The following KIN variants were observed in gnomAD, a reference collection of about 807,000 sequenced individuals.
The protein encoded by KIN is DNA/RNA-binding protein KIN17.
In KIN, 47 loss-of-function variants were observed where a neutral mutation model predicts 63.0. The observed-to-expected ratio is 0.75, with a 90% CI of 0.59 to 0.95. KIN has a LOEUF of 0.95. KIN is among the 40% of genes least tolerant of loss of function. The probability of loss-of-function intolerance (pLI) is 0.00; values close to 1 mark genes in which losing one functional copy is unlikely to be tolerated. For synonymous variants in KIN, 160 were observed against 157.7 expected (o/e 1.01, Z -0.11); for missense variants, 408 against 460.9 (o/e 0.89, Z 1.05).
chr10:7,780,309 TAATA>T lies in KIN; in HGVS notation c.210-6_210-3del. ...TCTAGAAAGTCATTTCGGAATTCCCTAATAAAGAAAGAAAGGAAAGCATTAAGGT... is the reference window on the plus strand; with the variant it reads ...TCTAGAAAGTCATTTCGGAATTCCCTAAGAAAGAAAGGAAAGCATTAAGGT... On this transcript the variant is annotated splice_region_variant and splice_polypyrimidine_tract_variant and intron_variant, in intron 2 of 12. Coordinates refer to ENST00000379562, the MANE Select transcript of KIN (RefSeq NM_012311.4). 6.2e-7 allele frequency: 1 copy of T among 1,600,560 alleles called. No homozygotes were observed. Among genetic ancestry groups the T allele is most frequent in the Non-Finnish European group, 8.5e-7 (1 of 1,174,384 alleles).
intron 8 of KIN, among the ~76,000 whole-genome samples, 160 bp downstream of exon 8, chr10:7,769,056 G>C (rs1290811326): frequency 1.3e-5 from 2 of 151,982 alleles, no homozygotes; most frequent in Non-Finnish European, 2.9e-5. Context: ...ACCTATTTAG[G>C]GGGGCTCCAA....
intron 1 of KIN, 59 bp from the exon 2 acceptor site, chr10:7,783,234 AGAAG>A: frequency 1.1e-6 from 1 of 878,816 alleles, no homozygotes; most frequent in Non-Finnish European, 1.7e-6. Context: ...GGCTCTAAAT[AGAAG>A]TATTTAGTTA....
At position 7,787,925 on chromosome 10, in the gene KIN, C is replaced by T. The variant is rs995928000; in HGVS notation, c.9G>A (p.Lys3=). 5.0e-6 allele frequency: 8 copies of T among 1,612,322 alleles called. No homozygotes were observed. The highest frequency in any genetic ancestry group is 3.3e-5 in the Admixed American group (2 of 60,012). The part of the protein sequence containing the change: MG[K]SDFLTPKAIA... The stretch of plus-strand genomic sequence containing the variant: ...TAGCCTTGGGAGTAAGAAAATCCGA[C>T]TTCCCCATGGCGACCACGGCAGCGA... Residue 3 remains lysine, a synonymous_variant, in exon 1 of 13, where the codon AAG becomes AAA. Coordinates refer to ENST00000379562, the MANE Select transcript of KIN (RefSeq NM_012311.4).
At chr10:7,757,590 T>C (rs1835356331) in intron 12 of KIN, among the ~76,000 whole-genome samples, 1 of 152,056 alleles carries the variant, frequency 6.6e-6, no homozygotes, top group Non-Finnish European at 1.5e-5. Context: ...TATAACATGA[T>C]GATGATGACA....
intron 11 of KIN, chr10:7,761,219 C>T (rs888060151): frequency 6.6e-6 from 1 of 152,118 alleles, no homozygotes; most frequent in Non-Finnish European, 1.5e-5. Flanking sequence ...ATTTATTGTA[C>T]ATCAATTTTA....
At chr10:7,781,825 G>T (rs1199422117) in intron 2 of KIN, among the ~76,000 whole-genome samples, 1 of 151,488 alleles carries the variant, frequency 6.6e-6, no homozygotes, top group Non-Finnish European at 1.5e-5. Flanking sequence ...GGGAGGGTGA[G>T]GTGGGTGGAT....
At chr10:7,771,738 C>A (rs1227908630) in intron 7 of KIN, among the ~76,000 whole-genome samples, 8 of 151,430 alleles carry the variant, frequency 5.3e-5, no homozygotes, top group African/African-American at 1.9e-4. Context: ...CCTAAAAATA[C>A]AAAAAAATTA....
At chr10:7,767,039 C>A (rs1027399511) in intron 8 of KIN, among the ~76,000 whole-genome samples, 3 of 114,690 alleles carry the variant, frequency 2.6e-5, no homozygotes, top group African/African-American at 3.0e-5. Context: ...AAAAAAAAAA[C>A]CTCATTTTAA....
In KIN at chr10:7,756,187, C is replaced by T. The variant is rs41290295; in HGVS notation, c.1120-45G>A. ...AAAATAAGGTTAAAAACACATATTC[C>T]TAAAAGACAAAAAAATGACACCATA... On this transcript the variant is annotated intron_variant, in intron 12 of 12. Transcript: ENST00000379562. The T allele has an allele frequency of 0.22, 261,960 of 1,216,124 alleles. 29,277 individuals carry two copies. The highest frequency in any genetic ancestry group is 0.26 in the Admixed American group (10,667 of 40,358). 75.3% of individuals were successfully genotyped at this position (1,216,124 alleles called of 1,614,324 possible).
chr10:7,767,035 AAAACCTCATTTTAAATCCTTC>A (rs1471305367), intron 8 of KIN, among the ~76,000 whole-genome samples: 14 of 145,882 alleles, frequency 9.6e-5, no homozygotes, highest in South Asian at 2.2e-4. Flanking sequence ...AAAAAAAAAA[AAAACCTCATTTTAAATCCTTC>A]ACCTTTTCAA....
rs1442245894 is a variant in KIN, at chr10:7,766,100, C to A, written c.802G>T (p.Glu268Ter). Residue 268 changes from glutamate to a stop codon, truncating the protein, a stop_gained, in exon 9 of 13, where the codon GAA (glutamate) becomes TAA (stop). Coordinates refer to ENST00000379562, the MANE Select transcript of KIN (RefSeq NM_012311.4). LOFTEE classifies it high-confidence loss of function. The stretch of plus-strand genomic sequence containing the variant: ...CGGGCAGTTCTTTTCTTTTCCTCTT[C>A]AATCTGTAGAACACATAATGTCTTA... ...KSALDEIMEI[E>*]EEKKRTARTD... The A allele has an allele frequency of 6.2e-7, 1 of 1,606,818 alleles. No homozygotes were observed. The highest frequency in any genetic ancestry group is 8.5e-7 in the Non-Finnish European group (1 of 1,174,600).
intron 2 of KIN, among the ~76,000 whole-genome samples, chr10:7,780,632 C>A (rs1374398292): frequency 6.6e-6 from 1 of 152,086 alleles, no homozygotes; most frequent in Non-Finnish European, 1.5e-5. Flanking sequence ...CTCGTGACCT[C>A]AGGTGATCTC....
chr10:7,770,971 T>G (rs1340341406), intron 7 of KIN, among the ~76,000 whole-genome samples: 1 of 152,216 alleles, frequency 6.6e-6, no homozygotes, highest in Non-Finnish European at 1.5e-5. Flanking sequence ...TTGTTTTTCT[T>G]TACCTAACTG....
At chr10:7,756,682 T>C (rs139780653) in intron 12 of KIN, among the ~76,000 whole-genome samples, 2,078 of 152,316 alleles carry the variant, frequency 0.014, 22 homozygotes, top group South Asian at 0.027. Flanking sequence ...TTGGGGTTTT[T>C]AGAGTGAAAC....
chr10:7,770,671 G>T (rs1330903768), intron 7 of KIN, among the ~76,000 whole-genome samples: 1 of 152,118 alleles, frequency 6.6e-6, no homozygotes, highest in Non-Finnish European at 1.5e-5. Flanking sequence ...CTGATCAAAT[G>T]ACTTTTACCC....
At chr10:7,764,041 G>A (rs113955096) in intron 9 of KIN, among the ~76,000 whole-genome samples, 220 of 152,232 alleles carry the variant, frequency 1.4e-3, no homozygotes, top group African/African-American at 5.0e-3. Context: ...TATAAAAAAT[G>A]TCTGATTTCT....
At chr10:7,774,797 A>T in intron 7 of KIN, 34 bp downstream of exon 7, 1 of 1,528,578 alleles carries the variant, frequency 6.5e-7, no homozygotes, top group South Asian at 1.1e-5. Flanking sequence ...AAAAATCCTA[A>T]TGTTTTAAGA....
At chr10:7,776,864 G>A (rs1835787638) in intron 5 of KIN, among the ~76,000 whole-genome samples, 1 of 151,030 alleles carries the variant, frequency 6.6e-6, no homozygotes, top group South Asian at 2.1e-4. Flanking sequence ...AGACCAGCTT[G>A]GACAACATTG....
intron 12 of KIN, among the ~76,000 whole-genome samples, chr10:7,759,188 T>G (rs548748891): frequency 1.2e-3 from 180 of 152,304 alleles, no homozygotes; most frequent in African/African-American, 4.2e-3. Context: ...TAAAACTGAC[T>G]GTACTGGAGA....
Sources: gnomAD v4.1 joint callset for allele counts (sites outside exome capture counted in the v4.1 genomes callset) on GRCh38, gnomAD v4.1.1 for gene constraint, MANE v1.5 for transcripts, NCBI Gene and HGNC (gene_info 2026-07-23, HGNC 2026-07-21) for gene names.